Variants in NCKAP5 observed in about 807,000 individuals in gnomAD.
The protein encoded by NCKAP5 is NCK associated protein 5, also known as nck-associated protein 5.
NCKAP5 carries 92 observed loss-of-function variants against 167.0 expected under a neutral mutation model. The observed-to-expected ratio is 0.55, with a 90% CI of 0.47 to 0.66. The LOEUF (loss-of-function observed/expected upper bound fraction) is 0.66. NCKAP5 is among the 30% of genes least tolerant of loss of function. NCKAP5 has a pLI of 0.00. For synonymous variants in NCKAP5, 891 were observed against 877.4 expected (o/e 1.02, Z -0.27); for missense variants, 2,378 against 2,315.0 (o/e 1.03, Z -0.56).
chr2:133,398,527 A>C (rs1687899084), intron 3 of NCKAP5, among the ~76,000 whole-genome samples: 1 of 152,212 alleles, frequency 6.6e-6, no homozygotes, highest in African/African-American at 2.4e-5. Context: ...ATTAATAGCA[A>C]TCTGACCAAT....
chr2:133,509,164 A>C (rs1683272586), intron 3 of NCKAP5, among the ~76,000 whole-genome samples: 1 of 152,224 alleles, frequency 6.6e-6, no homozygotes, highest in African/African-American at 2.4e-5. Flanking sequence ...TTTGCATCAC[A>C]GATTCCTGTG....
At chr2:132,736,513 G>T (rs753806989) in intron 16 of NCKAP5, among the ~76,000 whole-genome samples, 1 of 152,044 alleles carries the variant, frequency 6.6e-6, no homozygotes, top group Non-Finnish European at 1.5e-5. Flanking sequence ...GGGCGCGGTG[G>T]CTCATGCCTG....
chr2:132,856,347 C>A (rs1155820), intron 11 of NCKAP5, among the ~76,000 whole-genome samples: 42,224 of 151,360 alleles, frequency 0.28, 6,073 homozygotes, highest in East Asian at 0.56. Context: ...AAAAAAAAAG[C>A]GGAACAAGTA....
At chr2:133,624,359 C>T in the NCKAP5 span, among the ~76,000 whole-genome samples, 2 of 152,070 alleles carry the variant, frequency 1.3e-5, no homozygotes, top group Non-Finnish European at 2.9e-5. Flanking sequence ...GTCACTCCAC[C>T]GAGTTCTGTT....
chr2:133,671,876 C>T, the NCKAP5 span, among the ~76,000 whole-genome samples: 13 of 152,130 alleles, frequency 8.5e-5, no homozygotes, highest in African/African-American at 3.1e-4. Flanking sequence ...CTGCCTGCTC[C>T]CCCATTCCTT....
chr2:133,268,204 C>G (rs1463100054), intron 4 of NCKAP5, among the ~76,000 whole-genome samples: 1 of 152,176 alleles, frequency 6.6e-6, no homozygotes, highest in Non-Finnish European at 1.5e-5. Flanking sequence ...TTATGCTATA[C>G]TTGAGAAATG....
At chr2:133,122,199 C>T (rs1342322313) in intron 6 of NCKAP5, 2 of 151,930 alleles carry the variant, frequency 1.3e-5, no homozygotes, top group Non-Finnish European at 2.9e-5. Context: ...AAACTATAAA[C>T]GTAAGAAAAG....
chr2:132,685,196 T>TA (rs1480717726), intron 19 of NCKAP5, among the ~76,000 whole-genome samples: 1 of 152,230 alleles, frequency 6.6e-6, no homozygotes, highest in Non-Finnish European at 1.5e-5. Flanking sequence ...ATTATTTTGC[T>TA]ATAGCAGACG....
intron 11 of NCKAP5, among the ~76,000 whole-genome samples, chr2:132,830,140 C>T (rs991515633): frequency 2.0e-5 from 3 of 152,188 alleles, no homozygotes; most frequent in African/African-American, 7.2e-5. Flanking sequence ...TACTTTCTTT[C>T]TACTTCCTTT....
intron 16 of NCKAP5, among the ~76,000 whole-genome samples, chr2:132,752,218 G>A (rs1243080217): frequency 1.3e-5 from 2 of 152,136 alleles, no homozygotes; most frequent in Non-Finnish European, 2.9e-5. Flanking sequence ...AGGTTTTAGG[G>A]GCCTTGGGCC....
intron 3 of NCKAP5, among the ~76,000 whole-genome samples, chr2:133,323,524 A>G (rs1223058521): frequency 6.6e-6 from 1 of 152,210 alleles, no homozygotes; most frequent in Non-Finnish European, 1.5e-5. Context: ...GAGAATGATT[A>G]TATGCGAACT....
At chr2:132,839,375 A>C (rs1177951649) in intron 11 of NCKAP5, among the ~76,000 whole-genome samples, 1 of 152,030 alleles carries the variant, frequency 6.6e-6, no homozygotes, top group African/African-American at 2.4e-5. Flanking sequence ...TGTTTTCTGT[A>C]TATGTATTTT....
intron 6 of NCKAP5, among the ~76,000 whole-genome samples, chr2:133,000,852 T>C (rs1010850360): frequency 6.6e-5 from 10 of 152,162 alleles, no homozygotes; most frequent in Non-Finnish European, 5.9e-5. Flanking sequence ...TCACAAACTA[T>C]GCTAAGTTAA....
intron 6 of NCKAP5, among the ~76,000 whole-genome samples, chr2:133,095,736 T>C (rs538264669): frequency 1.3e-5 from 2 of 152,246 alleles, no homozygotes; most frequent in South Asian, 2.1e-4. Flanking sequence ...AATAGAGACA[T>C]AATAGCACAT....
At chr2:132,766,886 T>C (rs1032088802) in intron 16 of NCKAP5, among the ~76,000 whole-genome samples, 2 of 152,226 alleles carry the variant, frequency 1.3e-5, no homozygotes, top group African/African-American at 4.8e-5. Flanking sequence ...TATTTTATTC[T>C]TTCTGTCTCT....
intron 11 of NCKAP5, among the ~76,000 whole-genome samples, chr2:132,860,041 G>A (rs943852621): frequency 1.3e-5 from 2 of 152,122 alleles, no homozygotes; most frequent in African/African-American, 2.4e-5. Context: ...TTATAAGAAG[G>A]AACTCTGCAT....
chr2:133,382,381 G>A (rs745680369), intron 3 of NCKAP5, among the ~76,000 whole-genome samples: 9 of 152,064 alleles, frequency 5.9e-5, no homozygotes, highest in Admixed American at 3.9e-4. Context: ...GTGACTTTTT[G>A]CAAATCAGAA....
intron 4 of NCKAP5, among the ~76,000 whole-genome samples, chr2:133,286,232 G>A (rs978816694): frequency 2.6e-5 from 4 of 151,938 alleles, no homozygotes; most frequent in Admixed American, 6.6e-5. Context: ...TCCTAACCTC[G>A]TGATCCGCCT....
chr2:133,608,791 C>T, the NCKAP5 span, among the ~76,000 whole-genome samples: 1 of 152,194 alleles, frequency 6.6e-6, no homozygotes, highest in Admixed American at 6.5e-5. Flanking sequence ...AATTGTGTAA[C>T]TTTCCTCTGC....
Sources: gnomAD v4.1 joint callset for allele counts (sites outside exome capture counted in the v4.1 genomes callset) on GRCh38, gnomAD v4.1.1 for gene constraint, MANE v1.5 for transcripts, NCBI Gene and HGNC (gene_info 2026-07-23, HGNC 2026-07-21) for gene names.